FOXN4: variants seen among roughly 807,000 people sequenced by gnomAD.
FOXN4 encodes the protein forkhead box protein N4.
Under a neutral mutation model 45.0 loss-of-function variants are expected in FOXN4, and 12 were observed. That is an observed-to-expected ratio of 0.27 (90% CI 0.17 to 0.43). The LOEUF is 0.43. Ranked by LOEUF, FOXN4 falls within the 20% of genes least tolerant of loss-of-function variation. FOXN4 has a pLI of 1.00. For synonymous variants in FOXN4, 297 were observed against 295.0 expected (o/e 1.01, Z -0.07); for missense variants, 560 against 694.9 (o/e 0.81, Z 2.18).
intron 7 of FOXN4, among the ~76,000 whole-genome samples, 189 bp downstream of exon 7, chr12:109,286,459 C>T (rs919638680): frequency 6.6e-6 from 1 of 152,186 alleles, no homozygotes; most frequent in Non-Finnish European, 1.5e-5. Context: ...TCTGTCAGAG[C>T]CCAGTTCAAA....
chr12:109,304,295 G>GAAAGAAAGAAAGAAAGAAAGAAAGAAA (rs1555244325), intron 2 of FOXN4, among the ~76,000 whole-genome samples: 6 of 40,048 alleles, frequency 1.5e-4, no homozygotes, highest in African/African-American at 4.7e-4. Flanking sequence ...AAGAAAGAAA[G>GAAAGAAAGAAAGAAAGAAAGAAAGAAA]GAGAAAGAAA....
intron 2 of FOXN4, among the ~76,000 whole-genome samples, chr12:109,298,339 T>C (rs530082264): frequency 1.9e-4 from 23 of 123,308 alleles, no homozygotes; most frequent in African/African-American, 7.4e-4. Flanking sequence ...AGGTTTTTTT[T>C]TTTTGTTTTT....
In FOXN4 at chr12:109,281,780, G is replaced by A. The variant is rs755688707; in HGVS notation, c.921C>T (p.Ile307=). The A allele has an allele frequency of 6.3e-7, 1 of 1,586,690 alleles. No homozygotes were observed. Among genetic ancestry groups the A allele is most frequent in the Admixed American group, 1.7e-5 (1 of 59,062 alleles). The change falls in exon 9 of 10, where the codon ATC becomes ATT. Residue 307 remains isoleucine (I), a synonymous_variant. Coordinates refer to ENST00000299162, the MANE Select transcript of FOXN4 (RefSeq NM_213596.3). ...MANPEELDKL[I]SDRPESCRRP... ...GCCGGCAGCTTTCAGGCCGGTCGGA[G>A]ATCAGCTTGTCCAACTCCTCTGCAG...
chr12:109,286,314 A>C (rs997147236), intron 7 of FOXN4, among the ~76,000 whole-genome samples: 12 of 152,160 alleles, frequency 7.9e-5, no homozygotes, highest in Non-Finnish European at 1.5e-4. Context: ...ACAGATGAGG[A>C]TACTGAGGCT....
chr12:109,296,661 G>A (rs1486481795), intron 2 of FOXN4, among the ~76,000 whole-genome samples: 1 of 152,174 alleles, frequency 6.6e-6, no homozygotes, highest in Non-Finnish European at 1.5e-5. Flanking sequence ...GCAGCCCCCA[G>A]AGACCCTGAT....
chr12:109,296,714 T>C (rs1173000619), intron 2 of FOXN4, among the ~76,000 whole-genome samples: 1 of 151,810 alleles, frequency 6.6e-6, no homozygotes, highest in African/African-American at 2.4e-5. Flanking sequence ...GGAGCCAAAC[T>C]CCCAGTGCCC....
intron 2 of FOXN4, among the ~76,000 whole-genome samples, chr12:109,302,633 C>T (rs2047877819): frequency 6.6e-6 from 1 of 152,142 alleles, no homozygotes; most frequent in African/African-American, 2.4e-5. Flanking sequence ...AAGCCAGACA[C>T]ATAGTAGTAG....
Position 109,308,172 on chromosome 12 carries a change from A to G in FOXN4, c.86+64T>C, listed in dbSNP as rs535248168. The G allele has an allele frequency of 2.3e-6, 3 of 1,323,496 alleles. No homozygotes were observed. The South Asian group carries it at 4.2e-5, about 19-fold the overall frequency. The allele number at this position is 1,323,496 out of a possible 1,614,324, so 82.0% of individuals were successfully genotyped here. A position where few individuals can be genotyped will look rare whatever the true frequency, so the allele number is the denominator to read the frequency against. ...GTTCTTGGGCAGTTTCAGAAACCATAAACAGCATACAAACACTTTGAGCAA... is the reference window on the plus strand; with the variant it reads ...GTTCTTGGGCAGTTTCAGAAACCATGAACAGCATACAAACACTTTGAGCAA... On this transcript the variant is annotated intron_variant, in intron 2 of 9. Transcript: ENST00000299162.
chr12:109,279,550 G>T lies in FOXN4; in HGVS notation c.*121C>A, dbSNP rs182558917. 1.9e-5 allele frequency: 27 copies of T among 1,439,476 alleles called. No individual in the cohort carries two copies. Among genetic ancestry groups the T allele is most frequent in the Non-Finnish European group, 2.3e-5 (25 of 1,078,264 alleles). 89.2% of individuals were successfully genotyped at this position (1,439,476 alleles called of 1,614,324 possible). A position where few individuals can be genotyped will look rare whatever the true frequency, so the allele number is the denominator to read the frequency against. On this transcript the variant is annotated 3_prime_UTR_variant, in exon 10 of 10. Coordinates refer to ENST00000299162, the MANE Select transcript of FOXN4 (RefSeq NM_213596.3). ...GCTTCCCTGTCCAGCCGGCAACTTC[G>T]CCACAGGTCCAGGAGAGGCTTCGGG...
chr12:109,281,262 G>A, intron 9 of FOXN4, 145 bp downstream of exon 9: 1 of 1,196,708 alleles, frequency 8.4e-7, no homozygotes, highest in Non-Finnish European at 1.2e-6. Context: ...TCCGGATTAG[G>A]GATGTTCAAC....
At position 109,285,198 on chromosome 12, in the gene FOXN4, A is replaced by C. The variant is rs1180617481; in HGVS notation, c.901+106T>G. The C allele has an allele frequency of 3.6e-5, 50 of 1,371,992 alleles. No homozygotes were observed. The South Asian group carries it at 5.2e-4, about 14-fold the overall frequency. 85.0% of individuals were successfully genotyped at this position (1,371,992 alleles called of 1,614,324 possible). A position where few individuals can be genotyped will look rare whatever the true frequency, so the allele number is the denominator to read the frequency against. On this transcript the variant is annotated intron_variant, in intron 8 of 9. Transcript: ENST00000299162. ...CGCGTGCGTATGCATCGGCTTCACC[A>C]GGGTTGGCCATGCTCTGGTGGATGT...
At chr12:109,307,372 G>A (rs1255927532) in intron 2 of FOXN4, among the ~76,000 whole-genome samples, 12 of 152,194 alleles carry the variant, frequency 7.9e-5, no homozygotes, top group Non-Finnish European at 1.3e-4. Context: ...TTGCTCTGTC[G>A]GGGGAGCCCT....
chr12:109,282,041 G>A (rs1386018186), intron 8 of FOXN4, among the ~76,000 whole-genome samples: 1 of 152,218 alleles, frequency 6.6e-6, no homozygotes, highest in African/African-American at 2.4e-5. Flanking sequence ...AGCCCATGCT[G>A]GGTGTCAATA....
intron 2 of FOXN4, among the ~76,000 whole-genome samples, chr12:109,295,093 T>C (rs2136935165): frequency 6.6e-6 from 1 of 152,142 alleles, no homozygotes; most frequent in East Asian, 1.9e-4. Context: ...ATAATAATAA[T>C]AGTAATAGCC....
At position 109,300,826 on chromosome 12, in the gene FOXN4, T is replaced by G. The variant is rs150669010; in HGVS notation, c.86+7410A>C. Reference sequence around the variant, plus strand: ...TAGGAGGCTGAGGCAGGAGGATTGTTTGAGCCCACAAGTTTGAGGCTGCAG... The same window carrying G: ...TAGGAGGCTGAGGCAGGAGGATTGTGTGAGCCCACAAGTTTGAGGCTGCAG... On this transcript the variant is annotated intron_variant, in intron 2 of 9. Coordinates refer to ENST00000299162, the MANE Select transcript of FOXN4 (RefSeq NM_213596.3). Among the ~76,000 whole-genome samples, 730 of 152,240 alleles carry G rather than the reference T, an allele frequency of 4.8e-3. 1 individual carries two copies. The highest frequency in any genetic ancestry group is 7.6e-3 in the Non-Finnish European group (516 of 68,022).
At chr12:109,285,606 G>T (rs11066107) in intron 7 of FOXN4, 95 bp from the exon 8 acceptor site, 3 of 1,273,586 alleles carry the variant, frequency 2.4e-6, no homozygotes, top group South Asian at 2.6e-5. Flanking sequence ...AGGACACCGC[G>T]GTGGCAGGAG....
At chr12:109,297,508 T>C (rs1310163546) in intron 2 of FOXN4, among the ~76,000 whole-genome samples, 1 of 152,144 alleles carries the variant, frequency 6.6e-6, no homozygotes, top group African/African-American at 2.4e-5. Flanking sequence ...AGCTCAGTCT[T>C]TGCATTTTTA....
At chr12:109,304,221 G>GAGAAAGAAAGAGAA (rs2047892842) in intron 2 of FOXN4, among the ~76,000 whole-genome samples, 1 of 82,480 alleles carries the variant, frequency 1.2e-5, no homozygotes, top group African/African-American at 5.0e-5. Context: ...AGAAAAGAAA[G>GAGAAAGAAAGAGAA]AGAAAGAAAG....
intron 3 of FOXN4, among the ~76,000 whole-genome samples, chr12:109,289,918 CA>C (rs1399528862): frequency 6.6e-6 from 1 of 152,210 alleles, no homozygotes; most frequent in African/African-American, 2.4e-5. Flanking sequence ...GGACTCTATT[CA>C]CAGAAACCTT....
Sources: gnomAD v4.1 joint callset for allele counts (sites outside exome capture counted in the v4.1 genomes callset) on GRCh38, gnomAD v4.1.1 for gene constraint, MANE v1.5 for transcripts, NCBI Gene and HGNC (gene_info 2026-07-23, HGNC 2026-07-21) for gene names.